Variants in RBPJ observed in about 807,000 individuals in gnomAD.
The protein encoded by RBPJ is recombination signal binding protein for immunoglobulin kappa J region.
RBPJ carries 9 observed loss-of-function variants against 67.8 expected under a neutral mutation model. The observed-to-expected ratio is 0.13, with a 90% CI of 0.08 to 0.23. RBPJ has a LOEUF of 0.23. Among genes scored for constraint, RBPJ ranks in the 10% least tolerant of loss-of-function variants. RBPJ has a pLI of 1.00. For synonymous variants in RBPJ, 198 were observed against 203.3 expected, an observed-to-expected ratio of 0.97 and a Z score of 0.22; for missense variants, 305 against 595.6, an observed-to-expected ratio of 0.51 and a Z score of 5.08.
chr4:26,414,391 A>G (rs1484223146), intron 3 of RBPJ, among the ~76,000 whole-genome samples: 2 of 151,830 alleles, frequency 1.3e-5, no homozygotes, highest in Non-Finnish European at 2.9e-5. Context: ...CTGGTCTCAA[A>G]CTCCTGGGCT....
chr4:26,120,211 G>A, the RBPJ span, among the ~76,000 whole-genome samples: 1 of 152,130 alleles, frequency 6.6e-6, no homozygotes, highest in African/African-American at 2.4e-5. Flanking sequence ...AAAAGCAAAG[G>A]CACCAGAAAA....
intron 2 of RBPJ, among the ~76,000 whole-genome samples, chr4:26,404,664 T>C (rs943432585): frequency 3.9e-5 from 6 of 152,152 alleles, no homozygotes; most frequent in African/African-American, 1.4e-4. Context: ...AATAATGGAG[T>C]TAAAGTGCTT....
the RBPJ span, among the ~76,000 whole-genome samples, chr4:26,111,488 C>A: frequency 1.3e-5 from 2 of 152,214 alleles, no homozygotes; most frequent in Admixed American, 6.5e-5. Context: ...CTAAAGCTGG[C>A]CAAACAAGCT....
At chr4:26,230,117 G>A (rs984622276) in intron 1 of RBPJ, among the ~76,000 whole-genome samples, 1 of 151,844 alleles carries the variant, frequency 6.6e-6, no homozygotes, top group African/African-American at 2.4e-5. Context: ...GGGAGCCCAG[G>A]AGGTCAAGGC....
At chr4:26,209,512 TCAAA>T (rs1189647706) in intron 1 of RBPJ, among the ~76,000 whole-genome samples, 1 of 151,986 alleles carries the variant, frequency 6.6e-6, no homozygotes, top group Non-Finnish European at 1.5e-5. Context: ...CTTAAGCCAA[TCAAA>T]CAATCAAGTG....
Position 26,272,587 on chromosome 4 carries a change from A to G in RBPJ, c.-166-89859A>G, listed in dbSNP as rs771704682. On this transcript the variant is annotated intron_variant, in intron 1 of 4. Transcript: ENST00000512351. Reference sequence around the variant, plus strand: ...CCCTGTCTATCTCTACAATAAATAAAATAAATAAAAAATAAATAAAAAACA... The same window carrying G: ...CCCTGTCTATCTCTACAATAAATAAGATAAATAAAAAATAAATAAAAAACA... The G allele has an allele frequency of 1.2e-5, 5 of 414,004 alleles. No homozygotes were observed. The East Asian group carries it at 2.2e-4, about 18-fold the overall frequency. 25.6% of individuals were successfully genotyped at this position (414,004 alleles called of 1,614,324 possible). A position where few individuals can be genotyped will look rare whatever the true frequency, so the allele number is the denominator to read the frequency against.
intron 1 of RBPJ, among the ~76,000 whole-genome samples, chr4:26,298,282 C>T (rs1006377875): frequency 6.6e-6 from 1 of 152,132 alleles, no homozygotes; most frequent in Non-Finnish European, 1.5e-5. Context: ...AAGTTTAACT[C>T]ACAATTGAGT....
chr4:26,265,167 A>G (rs1720662389), intron 1 of RBPJ, among the ~76,000 whole-genome samples: 1 of 152,200 alleles, frequency 6.6e-6, no homozygotes, highest in African/African-American at 2.4e-5. Context: ...GTGGAACTAC[A>G]CTGTGAACAA....
the RBPJ span, among the ~76,000 whole-genome samples, chr4:26,145,390 T>C: frequency 6.6e-6 from 1 of 152,140 alleles, no homozygotes; most frequent in Admixed American, 6.5e-5. Flanking sequence ...GACTTTTAGA[T>C]TAAGTGTCCA....
the RBPJ span, among the ~76,000 whole-genome samples, chr4:26,120,169 A>T: frequency 1.3e-5 from 2 of 152,336 alleles, no homozygotes; most frequent in South Asian, 4.1e-4. Context: ...CAGTAGTAGT[A>T]GACATAGACT....
rs183759236 is a variant in RBPJ, at chr4:26,391,205, A to G, written c.59+4814A>G. Among the ~76,000 whole-genome samples, 3 of 152,380 alleles carry G rather than the reference A, an allele frequency of 2.0e-5. No homozygotes were observed. The East Asian group carries it at 5.8e-4, about 29-fold the overall frequency. On this transcript the variant is annotated intron_variant, in intron 2 of 10. Transcript: ENST00000355476. The stretch of plus-strand genomic sequence containing the variant: ...ATATAGAAATGCAAATAACCTTGAA[A>G]AAAAGAAAAAAGAACTTACACTGCC...
At chr4:26,170,952 C>T (rs1471732109) in intron 1 of RBPJ, among the ~76,000 whole-genome samples, 4 of 152,198 alleles carry the variant, frequency 2.6e-5, no homozygotes, top group African/African-American at 7.2e-5. Context: ...GTACGCAAAG[C>T]ACCTAGTAAG....
chr4:26,226,360 G>T (rs1719076210), intron 1 of RBPJ, among the ~76,000 whole-genome samples: 1 of 152,074 alleles, frequency 6.6e-6, no homozygotes. Context: ...TATAGTCCCA[G>T]ATAACTTGGG....
At chr4:26,180,780 G>T (rs1425280129) in intron 1 of RBPJ, among the ~76,000 whole-genome samples, 1 of 152,110 alleles carries the variant, frequency 6.6e-6, no homozygotes, top group East Asian at 1.9e-4. Context: ...CCCTCAAATT[G>T]TTTATACTAT....
intron 1 of RBPJ, among the ~76,000 whole-genome samples, chr4:26,310,182 CA>C (rs1455546451): frequency 6.6e-6 from 1 of 152,162 alleles, no homozygotes; most frequent in East Asian, 1.9e-4. Flanking sequence ...AGCTGTGATT[CA>C]TTTTCAGTGT....
At chr4:26,378,854 C>G (rs1161749225) in intron 1 of RBPJ, among the ~76,000 whole-genome samples, 4 of 152,042 alleles carry the variant, frequency 2.6e-5, no homozygotes, top group Non-Finnish European at 5.9e-5. Flanking sequence ...TGGTGAAACC[C>G]TATCTCTACA....
At chr4:26,159,941 C>T (rs992278835), upstream of RBPJ, among the ~76,000 whole-genome samples, 5 of 148,384 alleles carry the variant, frequency 3.4e-5, no homozygotes, top group South Asian at 6.4e-4. Context: ...TTTTTTGAGA[C>T]GGAGTCTCAC....
chr4:26,377,480 C>A (rs573025222), intron 1 of RBPJ, among the ~76,000 whole-genome samples: 2 of 152,198 alleles, frequency 1.3e-5, no homozygotes, highest in African/African-American at 4.8e-5. Context: ...ACAAAATCAT[C>A]AGGGAACTGT....
At chr4:26,142,097 C>G in the RBPJ span, among the ~76,000 whole-genome samples, 1 of 152,376 alleles carries the variant, frequency 6.6e-6, no homozygotes, top group East Asian at 1.9e-4. Flanking sequence ...GAAACTTCCC[C>G]CTTCAGGGTA....
Sources: gnomAD v4.1 joint callset for allele counts (sites outside exome capture counted in the v4.1 genomes callset) on GRCh38, gnomAD v4.1.1 for gene constraint, MANE v1.5 for transcripts, NCBI Gene and HGNC (gene_info 2026-07-23, HGNC 2026-07-21) for gene names.